Variants in AKIRIN1 observed in about 807,000 individuals in gnomAD.
AKIRIN1 encodes the protein akirin-1.
In AKIRIN1, 4 loss-of-function variants were observed where a neutral mutation model predicts 25.9. The observed-to-expected ratio is 0.15, with a 90% CI of 0.08 to 0.35. The LOEUF (loss-of-function observed/expected upper bound fraction) is 0.35. Ranked by LOEUF, AKIRIN1 falls within the 10% of genes least tolerant of loss-of-function variation. AKIRIN1 has a pLI of 1.00. For missense variants in AKIRIN1, 243 were observed against 266.1 expected (o/e 0.91, Z 0.61); for synonymous variants, 125 against 105.1 (o/e 1.19, Z -1.16).
rs796897292 is a variant in AKIRIN1 at position 39,005,660 on chromosome 1, T to A, written c.*1605T>A. ...GGCTTATTTTGAAAAATTCTGAGTT[T>A]AATTCAAATGTATGCCAATACCTTC... On this transcript the variant is annotated 3_prime_UTR_variant, in exon 5 of 5. Coordinates refer to ENST00000432648, the MANE Select transcript of AKIRIN1 (RefSeq NM_024595.3). The A allele has an allele frequency of 5.9e-5, 9 of 152,366 alleles. 1 individual carries two copies. Among genetic ancestry groups the A allele is most frequent in the African/African-American group, 2.2e-4 (9 of 41,582 alleles). 9.4% of individuals were successfully genotyped at this position (152,366 alleles called of 1,614,324 possible).
At chr1:38,995,669 C>T (rs1009863254) in intron 1 of AKIRIN1, among the ~76,000 whole-genome samples, 2 of 152,208 alleles carry the variant, frequency 1.3e-5, no homozygotes, top group African/African-American at 2.4e-5. Context: ...TGTCCTCATA[C>T]TTGTCCTTTC....
chr1:38,998,541 T>C (rs1345355230), intron 2 of AKIRIN1, among the ~76,000 whole-genome samples: 3 of 152,292 alleles, frequency 2.0e-5, no homozygotes, highest in East Asian at 3.9e-4. Flanking sequence ...AACTGCAATG[T>C]GTAATATTGT....
At chr1:38,995,596 A>G (rs1643941888) in intron 1 of AKIRIN1, among the ~76,000 whole-genome samples, 1 of 152,258 alleles carries the variant, frequency 6.6e-6, no homozygotes, top group South Asian at 2.1e-4. Flanking sequence ...GTATCTTTCC[A>G]TTTGTTAACA....
At chr1:39,001,448 CAG>C (rs1156475851) in intron 3 of AKIRIN1, among the ~76,000 whole-genome samples, 1 of 151,784 alleles carries the variant, frequency 6.6e-6, no homozygotes, top group Non-Finnish European at 1.5e-5. Context: ...GTATTTTTAG[CAG>C]AGAGGGGGCT....
intron 1 of AKIRIN1, among the ~76,000 whole-genome samples, chr1:38,996,696 A>T (rs923928166): frequency 3.3e-5 from 5 of 151,642 alleles, no homozygotes; most frequent in Admixed American, 1.3e-4. Flanking sequence ...CGCCTGGCTA[A>T]ATTTTTTTAT....
At chr1:38,996,899 A>G (rs12407459) in intron 1 of AKIRIN1, among the ~76,000 whole-genome samples, 17,232 of 152,264 alleles carry the variant, frequency 0.11, 1,222 homozygotes, top group Non-Finnish European at 0.15. Context: ...GACTTTGACT[A>G]TGTGTGGAAC....
Position 39,003,457 on chromosome 1 carries a change from C to G in AKIRIN1, c.568+39C>G, listed in dbSNP as rs768161029. 1.9e-6 allele frequency: 3 copies of G among 1,592,728 alleles called. No individual in the cohort carries two copies. The African/African-American group carries it at 4.0e-5, about 21-fold the overall frequency. On this transcript the variant is annotated intron_variant, in intron 4 of 4. Coordinates refer to ENST00000432648, the MANE Select transcript of AKIRIN1 (RefSeq NM_024595.3). ...CATTTTCTTTGAATTTTCTAAGTTT[C>G]AAGAGCAAAATTTCTACACTGAAAC... is the stretch of plus-strand genomic sequence containing the variant.
chr1:39,005,126 TG>T lies in AKIRIN1; in HGVS notation c.*1072del, dbSNP rs1280923170. On this transcript the variant is annotated 3_prime_UTR_variant, in exon 5 of 5. Transcript: ENST00000432648. Reference sequence around the variant, plus strand: ...TTCGAGACCACCCTGGCCAATATGGTGAAACCCCATCTCTACTAAAAATACA... The same window carrying T: ...TTCGAGACCACCCTGGCCAATATGGTAAACCCCATCTCTACTAAAAATACA... 1 of 152,090 alleles carries T rather than the reference TG, an allele frequency of 6.6e-6. No individual in the cohort carries two copies. The highest frequency in any genetic ancestry group is 2.4e-5 in the African/African-American group (1 of 41,416). 9.4% of individuals were successfully genotyped at this position (152,090 alleles called of 1,614,324 possible).
rs998041590 is a variant in AKIRIN1 at position 38,999,182 on chromosome 1, T to G, written c.361+871T>G. ...GACCATCTCCAGTGGTGGTGAAATC[T>G]GTCTCCTTTAACAGTAGAAGAGTCT... On this transcript the variant is annotated intron_variant, in intron 2 of 4. Transcript: ENST00000432648. Among the ~76,000 whole-genome samples the G allele has an allele frequency of 3.9e-4, 60 of 152,244 alleles. 1 individual carries two copies. Among genetic ancestry groups the G allele is most frequent in the African/African-American group, 1.4e-3 (60 of 41,466 alleles).
chr1:39,002,050 A>G (rs1169464960), intron 3 of AKIRIN1, among the ~76,000 whole-genome samples: 1 of 152,224 alleles, frequency 6.6e-6, no homozygotes, highest in Non-Finnish European at 1.5e-5. Flanking sequence ...GAAATAGGAA[A>G]TAGTACCTGT....
chr1:38,993,503 C>T lies in AKIRIN1; in HGVS notation c.220+1903C>T, dbSNP rs1206104915. Among the ~76,000 whole-genome samples the T allele has an allele frequency of 3.3e-5, 5 of 151,554 alleles. No individual in the cohort carries two copies. The East Asian group carries it at 9.6e-4, about 29-fold the overall frequency. ...TTGTTTTGGGGGCAGTGGTGGCATGCACTTGTAATCCCAGCTACTAGGGAA... is the reference window on the plus strand; with the variant it reads ...TTGTTTTGGGGGCAGTGGTGGCATGTACTTGTAATCCCAGCTACTAGGGAA... On this transcript the variant is annotated intron_variant, in intron 1 of 4. Coordinates refer to ENST00000432648, the MANE Select transcript of AKIRIN1 (RefSeq NM_024595.3).
At chr1:39,000,570 G>A (rs758730398) in intron 2 of AKIRIN1, among the ~76,000 whole-genome samples, 24 of 150,776 alleles carry the variant, frequency 1.6e-4, no homozygotes, top group Non-Finnish European at 2.7e-4. Flanking sequence ...GGCTGGTCCC[G>A]AACTCCCAAC....
intron 4 of AKIRIN1, 126 bp downstream of exon 4, chr1:39,003,544 A>G: frequency 1.2e-6 from 1 of 830,394 alleles, no homozygotes; most frequent in Non-Finnish European, 1.9e-6. Flanking sequence ...TGCTAAGAGT[A>G]TTAAATCCAC....
At chr1:38,997,551 A>G (rs368040631) in intron 1 of AKIRIN1, among the ~76,000 whole-genome samples, 3 of 151,308 alleles carry the variant, frequency 2.0e-5, no homozygotes, top group African/African-American at 7.3e-5. Flanking sequence ...TTTTTTTGAG[A>G]CGAGATTTTG....
At chr1:38,994,860 T>C (rs1643936039) in intron 1 of AKIRIN1, among the ~76,000 whole-genome samples, 1 of 151,888 alleles carries the variant, frequency 6.6e-6, no homozygotes, top group Non-Finnish European at 1.5e-5. Context: ...CAGCTAATTT[T>C]TGTATTTTTA....
At chr1:38,998,132 CAATA>C (rs1416538240) in intron 1 of AKIRIN1, 35 bp from the exon 2 acceptor site, 2 of 1,585,206 alleles carry the variant, frequency 1.3e-6, no homozygotes, top group Non-Finnish European at 1.7e-6. Context: ...AGAAATGAGA[CAATA>C]AAGTGAAAGC....
intron 2 of AKIRIN1, 50 bp downstream of exon 2, chr1:38,998,361 A>G (rs1252454759): frequency 2.7e-5 from 41 of 1,537,142 alleles, no homozygotes; most frequent in Non-Finnish European, 3.5e-5. Flanking sequence ...TGTAAATGGT[A>G]CTTATAATGA....
chr1:39,002,329 C>G (rs1156347537), intron 3 of AKIRIN1, among the ~76,000 whole-genome samples: 1 of 152,148 alleles, frequency 6.6e-6, no homozygotes, highest in African/African-American at 2.4e-5. Context: ...CAACGTGGTT[C>G]CTCAGAATAT....
chr1:38,994,360 T>C (rs191733999), intron 1 of AKIRIN1, among the ~76,000 whole-genome samples: 18 of 152,294 alleles, frequency 1.2e-4, no homozygotes, highest in African/African-American at 4.1e-4. Context: ...CTTAAATCTT[T>C]ATTGAGTGCT....
Sources: allele counts gnomAD v4.1 joint callset (sites outside exome capture counted in the v4.1 genomes callset), GRCh38; gene constraint gnomAD v4.1.1; transcripts MANE v1.5; gene names NCBI Gene and HGNC (gene_info 2026-07-23, HGNC 2026-07-21).